WNT4: variants seen among roughly 807,000 people sequenced by gnomAD.
WNT4 encodes protein Wnt-4.
WNT4 carries 16 observed loss-of-function variants against 34.5 expected under a neutral mutation model. The ratio of observed to expected loss-of-function variants is 0.46; its 90% confidence interval spans 0.31 to 0.70. The LOEUF (loss-of-function observed/expected upper bound fraction) is 0.70. Among genes scored for constraint, WNT4 ranks in the 30% least tolerant of loss-of-function variants. The pLI is 0.04. For missense variants in WNT4, 379 were observed against 495.9 expected (o/e 0.76, Z 2.24); for synonymous variants, 200 against 211.9 (o/e 0.94, Z 0.49).
chr1:22,123,808 CAAG>C (rs1462632562), intron 2 of WNT4, among the ~76,000 whole-genome samples: 1 of 152,190 alleles, frequency 6.6e-6, no homozygotes, highest in Non-Finnish European at 1.5e-5. Context: ...CATATGGAGC[CAAG>C]AAGGGCTTCC....
At chr1:22,127,016 TAGTC>T (rs1245423369) in intron 2 of WNT4, 5 of 340,912 alleles carry the variant, frequency 1.5e-5, no homozygotes, top group South Asian at 6.7e-5. Context: ...CTTTTCCTCT[TAGTC>T]AGTGGAGACA....
intron 1 of WNT4, among the ~76,000 whole-genome samples, chr1:22,130,635 G>A (rs1254116917): frequency 6.6e-6 from 1 of 152,236 alleles, no homozygotes; most frequent in African/African-American, 2.4e-5. Flanking sequence ...GAAGGATAAA[G>A]GGAAGGTAAC....
chr1:22,129,312 A>G (rs1645964402), intron 2 of WNT4, among the ~76,000 whole-genome samples: 1 of 152,130 alleles, frequency 6.6e-6, no homozygotes, highest in African/African-American at 2.4e-5. Flanking sequence ...TTCTTCCTTA[A>G]TTACCTGCTT....
At chr1:22,121,722 C>T in intron 2 of WNT4, 146 bp from the exon 3 acceptor site, 1 of 1,315,230 alleles carries the variant, frequency 7.6e-7, no homozygotes, top group Non-Finnish European at 1.0e-6. Context: ...CTAGGCACCC[C>T]ACGGCGCTTG....
At position 22,134,915 on chromosome 1, in the gene WNT4, A is replaced by T. The variant is rs1013812637; in HGVS notation, c.78-5064T>A. Among the ~76,000 whole-genome samples the T allele has an allele frequency of 5.3e-5, 8 of 151,884 alleles. No individual in the cohort carries two copies. The highest frequency in any genetic ancestry group is 2.6e-4 in the Admixed American group (4 of 15,262). The stretch of plus-strand genomic sequence containing the variant: ...TTCCCAGTCTTTTTTTCAGCTGATC[A>T]TGCCTGAGAGGTGGGACACGCTCCC... On this transcript the variant is annotated intron_variant, in intron 1 of 4. Coordinates refer to ENST00000290167, the MANE Select transcript of WNT4 (RefSeq NM_030761.5). The surrounding 1 kb of genome is among the most constrained non-coding windows in gnomAD (Gnocchi z 4.1).
At chr1:22,131,846 G>T (rs1176624491) in intron 1 of WNT4, among the ~76,000 whole-genome samples, 2 of 152,228 alleles carry the variant, frequency 1.3e-5, no homozygotes. Context: ...TATCTACCAG[G>T]TGGTTCCCAG....
In WNT4 at chr1:22,119,029, T is replaced by C. The variant is rs1368801069; in HGVS notation, c.*1021A>G. 1.3e-5 allele frequency: 2 copies of C among 152,608 alleles called. No individual in the cohort carries two copies. The highest frequency in any genetic ancestry group is 4.8e-5 in the African/African-American group (2 of 41,490). The allele number at this position is 152,608 out of a possible 1,614,324, so 9.5% of individuals were successfully genotyped here. A position where few individuals can be genotyped will look rare whatever the true frequency, so the allele number is the denominator to read the frequency against. On this transcript the variant is annotated 3_prime_UTR_variant, in exon 5 of 5. Transcript: ENST00000290167. ...AGTAAGATAATGGGAGAGGACTTTA[T>C]TGCACAGCCCTTTCCTCCCTCCCTC...
chr1:22,136,044 G>A (rs1160411142), intron 1 of WNT4, among the ~76,000 whole-genome samples: 1 of 152,070 alleles, frequency 6.6e-6, no homozygotes, highest in Admixed American at 6.5e-5. Context: ...TCACTCCTGA[G>A]GGCTCTGTGT....
intron 1 of WNT4, among the ~76,000 whole-genome samples, chr1:22,136,845 A>G (rs1646026266): frequency 6.6e-6 from 1 of 151,884 alleles, no homozygotes; most frequent in Non-Finnish European, 1.5e-5. Context: ...ACCCCCTCAC[A>G]CTCATGCCTC....
chr1:22,128,775 A>G (rs1002131243), intron 2 of WNT4, among the ~76,000 whole-genome samples: 1 of 149,950 alleles, frequency 6.7e-6, no homozygotes, highest in African/African-American at 2.5e-5. Context: ...GCTGGAGTGC[A>G]GTGGCACGAT....
At position 22,121,595 on chromosome 1, in the gene WNT4, G is replaced by T; in HGVS notation, c.314-19C>A. 6.2e-7 allele frequency: 1 copy of T among 1,610,630 alleles called. No homozygotes were observed. The highest frequency in any genetic ancestry group is 8.5e-7 in the Non-Finnish European group (1 of 1,179,812). On this transcript the variant is annotated intron_variant, in intron 2 of 4. Transcript: ENST00000290167. ...CGAGTCCCTGTGGGAGGCAGAGGGA[G>T]GGCAGAGCTGGGTCCCAGGGCTCCT...
chr1:22,132,815 C>A (rs1645994344), intron 1 of WNT4, among the ~76,000 whole-genome samples: 1 of 152,114 alleles, frequency 6.6e-6, no homozygotes. Context: ...AGCAGCTGTC[C>A]CCTTCCGTAC....
intron 4 of WNT4, 111 bp from the exon 5 acceptor site, chr1:22,120,628 T>G: frequency 8.8e-7 from 1 of 1,131,004 alleles, no homozygotes; most frequent in Non-Finnish European, 1.3e-6. Flanking sequence ...GACGCTGCAG[T>G]CAGATTTGCC....
chr1:22,126,161 A>C (rs559283868), intron 2 of WNT4, among the ~76,000 whole-genome samples: 1 of 152,280 alleles, frequency 6.6e-6, no homozygotes, highest in South Asian at 2.1e-4. Context: ...TAGAACACAC[A>C]GTTTTGCCCC....
chr1:22,139,309 A>G lies in WNT4; in HGVS notation c.77+3537T>C, dbSNP rs1314895398. ...GTGCCTGGCCCAGTGCCAGCTTGCC[A>G]CACGCATGGGCTCGCTCTTTCTTCC... On this transcript the variant is annotated intron_variant, in intron 1 of 4. Coordinates refer to ENST00000290167, the MANE Select transcript of WNT4 (RefSeq NM_030761.5). The surrounding 1 kb of genome is among the most constrained non-coding windows in gnomAD (Gnocchi z 4.6). Among the ~76,000 whole-genome samples, 4 of 152,176 alleles carry G rather than the reference A, an allele frequency of 2.6e-5. No homozygotes were observed. Among genetic ancestry groups the G allele is most frequent in the African/African-American group, 9.7e-5 (4 of 41,444 alleles).
At position 22,121,570 on chromosome 1, in the gene WNT4, CG is replaced by C; in HGVS notation, c.319del (p.Arg107GlyfsTer18). 6.2e-7 allele frequency: 1 copy of C among 1,613,176 alleles called. No homozygotes were observed. ...VFGKVVTQGT[R>X]EAAFVYAISS... is the part of the protein sequence containing the mutation. Reference sequence around the variant, plus strand: ...GATGGCGTACACGAAGGCCGCCTCCCGAGTCCCTGTGGGAGGCAGAGGGAGG... The same window carrying C: ...GATGGCGTACACGAAGGCCGCCTCCCAGTCCCTGTGGGAGGCAGAGGGAGG... On this transcript the variant is annotated frameshift_variant, in exon 3 of 5. Coordinates refer to ENST00000290167, the MANE Select transcript of WNT4 (RefSeq NM_030761.5). LOFTEE classifies it high-confidence loss of function.
chr1:22,134,928 G>A lies in WNT4; in HGVS notation c.78-5077C>T, dbSNP rs1646010747. ...TTTCAGCTGATCATGCCTGAGAGGT[G>A]GGACACGCTCCCCCGGGGTACAGTG... On this transcript the variant is annotated intron_variant, in intron 1 of 4. Transcript: ENST00000290167. The surrounding 1 kb of genome is among the most constrained non-coding windows in gnomAD (Gnocchi z 4.1). Among the ~76,000 whole-genome samples the A allele has an allele frequency of 6.6e-6, 1 of 152,230 alleles. No individual in the cohort carries two copies. The highest frequency in any genetic ancestry group is 1.9e-4 in the East Asian group (1 of 5,182).
In WNT4 at chr1:22,140,274, G is replaced by C; in HGVS notation, c.77+2572C>G. The stretch of plus-strand genomic sequence containing the variant: ...CCCGAAGCTTTTCCTTCTAGAGGCA[G>C]CTTTTCAGTCGGACACCTCTGGCAT... On this transcript the variant is annotated intron_variant, in intron 1 of 4. Transcript: ENST00000290167. The surrounding 1 kb of genome is among the most constrained non-coding windows in gnomAD (Gnocchi z 5.9). 1 of 985,484 alleles carries C rather than the reference G, an allele frequency of 1.0e-6. No individual in the cohort carries two copies. The highest frequency in any genetic ancestry group is 1.2e-6 in the Non-Finnish European group (1 of 829,942). The allele number at this position is 985,484 out of a possible 1,614,324, so 61.0% of individuals were successfully genotyped here.
chr1:22,133,486 CA>C (rs1645998697), intron 1 of WNT4, among the ~76,000 whole-genome samples: 1 of 152,132 alleles, frequency 6.6e-6, no homozygotes, highest in Non-Finnish European at 1.5e-5. Context: ...GGACCAGGCT[CA>C]AAAATGGAGT....
Sources: gnomAD v4.1 joint callset for allele counts (sites outside exome capture counted in the v4.1 genomes callset) on GRCh38, gnomAD v4.1.1 for gene constraint, Gnocchi (gnomAD v3.1) non-coding constraint, MANE v1.5 for transcripts, NCBI Gene and HGNC (gene_info 2026-07-23, HGNC 2026-07-21) for gene names.